The following PGGHG variants were observed in gnomAD, a reference collection of about 807,000 sequenced individuals.
PGGHG encodes the protein protein-glucosylgalactosylhydroxylysine glucosidase, also known as ATH1, acid trehalase-like 1.
In PGGHG, 67 loss-of-function variants were observed where a neutral mutation model predicts 74.5. That is an observed-to-expected ratio of 0.90 (90% confidence interval 0.74 to 1.10). PGGHG has a LOEUF of 1.10. Among genes scored for constraint, PGGHG ranks in the 50% least tolerant of loss-of-function variants. The pLI, the probability that PGGHG is intolerant of heterozygous loss-of-function variation, is 0.00. For synonymous variants in PGGHG, 496 were observed against 419.9 expected (o/e 1.18, Z -2.21); for missense variants, 1,034 against 981.5 (o/e 1.05, Z -0.72).
In PGGHG at chr11:290,541, C is replaced by A; in HGVS notation, c.411C>A (p.Ala137=). 1.3e-6 allele frequency: 2 copies of A among 1,550,840 alleles called. No individual in the cohort carries two copies. The highest frequency in any genetic ancestry group is 1.4e-5 in the African/African-American group (1 of 73,188). ...SGPITLLLRS[A]FSPESPDLDL... is the part of the protein sequence containing the mutation. The stretch of plus-strand genomic sequence containing the variant: ...CCATCACGCTGCTCCTGCGGTCAGC[C>A]TTCTCCCCAGAAAGCCCAGACCTGG... Residue 137 remains alanine, a synonymous_variant, in exon 3 of 14, where the codon GCC becomes GCA. Transcript: ENST00000409548.
Position 290,689 on chromosome 11 carries a change from G to A in PGGHG, c.482G>A (p.Gly161Asp). Residue 161 changes from glycine to aspartate, a missense_variant, in exon 4 of 14, where the codon GGC (glycine) becomes GAC (aspartate). Physicochemically the swap from Gly to Asp is moderately conservative, Grantham distance 94 (BLOSUM62 -1). Transcript: ENST00000409548. ...PDFQGARYLY[G>D]HTLTPEQPGG... ...CCACGCTCTCACAGGTACCTGTATG[G>A]CCACACCCTCACCCCTGAGCAGCCC... 6.2e-7 allele frequency: 1 copy of A among 1,605,834 alleles called. No individual in the cohort carries two copies. The highest frequency in any genetic ancestry group is 2.2e-5 in the East Asian group (1 of 44,716).
At position 293,197 on chromosome 11, in the gene PGGHG, CA is replaced by C; in HGVS notation, c.1307del (p.Asn436ThrfsTer62). The C allele has an allele frequency of 6.2e-7, 1 of 1,613,822 alleles. No individual in the cohort carries two copies. Among genetic ancestry groups the C allele is most frequent in the South Asian group, 1.1e-5 (1 of 91,082 alleles). ...MSPDEYHSGV[N>X]NSVYTNVLVQ... Reference sequence around the variant, plus strand: ...CCCCCGACGAGTACCATTCAGGGGTCAACAACTCTGTGTACACCAACGTCCT... The same window carrying C: ...CCCCCGACGAGTACCATTCAGGGGTCACAACTCTGTGTACACCAACGTCCT... On this transcript the variant is annotated frameshift_variant, in exon 8 of 14. Transcript: ENST00000409548. LOFTEE classifies it high-confidence loss of function.
In PGGHG at chr11:293,366, C is replaced by T. The variant is rs1311223397; in HGVS notation, c.1344C>T (p.Ser448=). 3 of 1,611,686 alleles carry T rather than the reference C, an allele frequency of 1.9e-6. No homozygotes were observed. The highest frequency in any genetic ancestry group is 1.3e-5 in the African/African-American group (1 of 75,020). Residue 448 remains serine (S), a splice_region_variant and synonymous_variant, in exon 9 of 14, where the codon AGC becomes AGT. Transcript: ENST00000409548. ...CTCCCCCACCTACCTCCACCTCCAG[C>T]CTGCGCTTTGCTGCTGCCCTGGCCC... is the stretch of plus-strand genomic sequence containing the variant. ...SVYTNVLVQN[S]LRFAAALAQD...
At position 293,939 on chromosome 11, in the gene PGGHG, CA is replaced by C. The variant is rs1564842467; in HGVS notation, c.1710+15del. The C allele has an allele frequency of 7.5e-6, 12 of 1,607,372 alleles. No individual in the cohort carries two copies. The highest frequency in any genetic ancestry group is 1.3e-5 in the African/African-American group (1 of 74,942). On this transcript the variant is annotated intron_variant, in intron 11 of 13. Coordinates refer to ENST00000409548, the MANE Select transcript of PGGHG (RefSeq NM_025092.5). The stretch of plus-strand genomic sequence containing the variant: ...GAACCCTTCAAGGTCAGCCTGGCCA[CA>C]CCTGCCTCCCACTGGGCCCCTTGTG...
Position 290,883 on chromosome 11 carries a change from GCTCT to G in PGGHG, c.677_680del (p.Ala226GlyfsTer14). ...GGCCCTGCAGCTGCAGGCCAGGGGA[GCTCT>G]GTATACGGCTCACGCACAGGCCTGG... is the stretch of plus-strand genomic sequence containing the variant. On this transcript the variant is annotated frameshift_variant, in exon 4 of 14. Coordinates refer to ENST00000409548, the MANE Select transcript of PGGHG (RefSeq NM_025092.5). LOFTEE classifies it high-confidence loss of function. 2 of 1,611,664 alleles carry G rather than the reference GCTCT, an allele frequency of 1.2e-6. No homozygotes were observed. The highest frequency in any genetic ancestry group is 1.7e-6 in the Non-Finnish European group (2 of 1,179,242).
chr11:293,960 C>T, intron 11 of PGGHG, 35 bp downstream of exon 11: 1 of 1,601,822 alleles, frequency 6.2e-7, no homozygotes. Flanking sequence ...CACTGGGCCC[C>T]TTGTGGTGGG....
chr11:289,247 C>A lies in PGGHG; in HGVS notation c.-14+8C>A, dbSNP rs1845643631. The A allele has an allele frequency of 6.6e-6, 1 of 150,754 alleles. No homozygotes were observed. The highest frequency in any genetic ancestry group is 6.6e-5 in the Admixed American group (1 of 15,222). 9.3% of individuals were successfully genotyped at this position (150,754 alleles called of 1,614,324 possible). A position where few individuals can be genotyped will look rare whatever the true frequency, so the allele number is the denominator to read the frequency against. On this transcript the variant is annotated splice_region_variant and intron_variant, in intron 1 of 13. Coordinates refer to ENST00000409548, the MANE Select transcript of PGGHG (RefSeq NM_025092.5). The surrounding 1 kb of genome is among the most constrained non-coding windows in gnomAD (Gnocchi z 5.6). ...CGACCGGGTGGGGCTGCGGTGAGTC[C>A]CAGAGGCCCCCGCCCCGCAGCTCCC...
In PGGHG at chr11:289,687, C is replaced by G; in HGVS notation, c.-13-117C>G. 3 of 1,322,096 alleles carry G rather than the reference C, an allele frequency of 2.3e-6. No homozygotes were observed. The Admixed American group carries it at 8.4e-5, about 37-fold the overall frequency. The allele number at this position is 1,322,096 out of a possible 1,614,324, so 81.9% of individuals were successfully genotyped here. A position where few individuals can be genotyped will look rare whatever the true frequency, so the allele number is the denominator to read the frequency against. ...AGGGGCCTCAGGAAAATCGGGGCTGCCCAGCTGGTTCCGCAACTCCCCCCA... is the reference window on the plus strand; with the variant it reads ...AGGGGCCTCAGGAAAATCGGGGCTGGCCAGCTGGTTCCGCAACTCCCCCCA... On this transcript the variant is annotated intron_variant, in intron 1 of 13. Coordinates refer to ENST00000409548, the MANE Select transcript of PGGHG (RefSeq NM_025092.5). This position sits in a 1 kb window ranked among gnomAD's most constrained non-coding sequence, Gnocchi z 5.6.
chr11:292,823 G>T, intron 6 of PGGHG, 63 bp from the exon 7 acceptor site: 1 of 1,611,378 alleles, frequency 6.2e-7, no homozygotes, highest in South Asian at 1.1e-5. Context: ...TCTGGGCACA[G>T]ACAGGCCACT....
At chr11:290,646 C>A (rs748054613) in intron 3 of PGGHG, 32 bp from the exon 4 acceptor site, 6 of 1,608,932 alleles carry the variant, frequency 3.7e-6, no homozygotes, top group Non-Finnish European at 5.1e-6. Flanking sequence ...AGGGAGGGAG[C>A]TCATCCCTGA....
chr11:294,623 T>G lies in PGGHG; in HGVS notation c.2088T>G (p.Ser696Arg). Residue 696 changes from serine (S) to arginine (R), a missense_variant, in exon 14 of 14, where the codon AGT (serine) becomes AGG (arginine). Ser to Arg is a moderately radical substitution (Grantham distance 110, BLOSUM62 -1). Transcript: ENST00000409548. ...IQMSPPKLPGSSSSEFPGRTF... is the reference protein window; with the variant it reads ...IQMSPPKLPGRSSSEFPGRTF... ...TGTCACCCCCGAAGCTGCCTGGAAG[T>G]TCCAGCTCCGAGTTCCCTGGGAGGA... 1 of 1,477,714 alleles carries G rather than the reference T, an allele frequency of 6.8e-7. No homozygotes were observed. Among genetic ancestry groups the G allele is most frequent in the Non-Finnish European group, 9.1e-7 (1 of 1,101,884 alleles). The allele number at this position is 1,477,714 out of a possible 1,614,324, so 91.5% of individuals were successfully genotyped here.
At position 289,939 on chromosome 11, in the gene PGGHG, C is replaced by A; in HGVS notation, c.123C>A (p.His41Gln). Reference sequence around the variant, plus strand: ...CACGAGTGTTTCACGACACGCTGCACGTGAGCGGCGTGTACAATGGGGCTG... The same window carrying A: ...CACGAGTGTTTCACGACACGCTGCAAGTGAGCGGCGTGTACAATGGGGCTG... ...LGTRVFHDTL[H>Q]VSGVYNGAGG... Residue 41 changes from histidine (H) to glutamine (Q), a missense_variant, in exon 2 of 14, where the codon CAC becomes CAA. By Grantham distance (24) the His-to-Gln change is conservative (BLOSUM62 0). Transcript: ENST00000409548. This position sits in a 1 kb window ranked among gnomAD's most constrained non-coding sequence, Gnocchi z 5.6. 1.4e-5 allele frequency: 21 copies of A among 1,550,752 alleles called. No individual in the cohort carries two copies. The highest frequency in any genetic ancestry group is 1.8e-5 in the Non-Finnish European group (21 of 1,146,914).
rs977516931 is a variant in PGGHG at position 289,659 on chromosome 11, A to G, written c.-13-145A>G. On this transcript the variant is annotated intron_variant, in intron 1 of 13. Transcript: ENST00000409548. The surrounding 1 kb of genome is among the most constrained non-coding windows in gnomAD (Gnocchi z 5.6). ...GCTCCTTTCCTGCGAGGCCCCGTCT[A>G]GGAGGGGCCTCAGGAAAATCGGGGC... The G allele has an allele frequency of 1.9e-6, 2 of 1,047,926 alleles. No individual in the cohort carries two copies. Among genetic ancestry groups the G allele is most frequent in the Admixed American group, 2.9e-5 (1 of 34,062 alleles). The allele number at this position is 1,047,926 out of a possible 1,614,324, so 64.9% of individuals were successfully genotyped here. A position where few individuals can be genotyped will look rare whatever the true frequency, so the allele number is the denominator to read the frequency against.
intron 6 of PGGHG, 46 bp downstream of exon 6, chr11:292,723 C>T: frequency 1.9e-6 from 3 of 1,612,184 alleles, no homozygotes; most frequent in South Asian, 2.2e-5. Context: ...GGCCAGGCAG[C>T]TGGTGTAGCC....
chr11:291,987 G>T lies in PGGHG; in HGVS notation c.918G>T (p.Met306Ile). The change falls in exon 5 of 14, where the codon ATG becomes ATT. Residue 306 changes from methionine (M) to isoleucine (I), a missense_variant. Met to Ile is a conservative substitution (Grantham distance 10). Transcript: ENST00000409548. ...GACCGTGCTCTCAGGACCTCTGGAT[G>T]TTCCCGAGTATCCTGATGTTCCACC... is the stretch of plus-strand genomic sequence containing the variant. Reference protein sequence around the residue: ...GHVFWDQDLWMFPSILMFHPE... With the variant: ...GHVFWDQDLWIFPSILMFHPE... The T allele has an allele frequency of 6.2e-7, 1 of 1,610,178 alleles. No homozygotes were observed. The highest frequency in any genetic ancestry group is 8.5e-7 in the Non-Finnish European group (1 of 1,178,726).
At chr11:292,170 C>A in intron 5 of PGGHG, 75 bp downstream of exon 5, 1 of 1,452,718 alleles carries the variant, frequency 6.9e-7, no homozygotes, top group Non-Finnish European at 9.1e-7. Context: ...AGGCCTGTAT[C>A]CCTCTCCCCA....
At chr11:293,093 CTGACCACCGGCG>C (rs1410733079) in intron 7 of PGGHG, 58 bp from the exon 8 acceptor site, 5 of 1,613,872 alleles carry the variant, frequency 3.1e-6, no homozygotes, top group Non-Finnish European at 4.2e-6. Context: ...CAGCCCCACG[CTGACCACCGGCG>C]TGGAGGGAAG....
rs374350776 is a variant in PGGHG at position 294,191 on chromosome 11, G to A, written c.1803G>A (p.Gly601=). The part of the protein sequence containing the change: ...FLQAVVFGCT[G]FRVTRAGVTF... ...AGGCGGTGGTCTTCGGGTGCACGGG[G>A]TTCAGGTAAGTGCAGAGGCTGGCAG... Residue 601 remains glycine (G), a synonymous_variant, in exon 12 of 14, where the codon GGG becomes GGA. Transcript: ENST00000409548. 4.5e-5 allele frequency: 73 copies of A among 1,609,374 alleles called. No homozygotes were observed. The highest frequency in any genetic ancestry group is 5.8e-5 in the Non-Finnish European group (68 of 1,177,634).
Position 292,632 on chromosome 11 carries a change from CGG to C in PGGHG, c.1116_1117del (p.Ala373ArgfsTer39). 6.2e-7 allele frequency: 1 copy of C among 1,613,786 alleles called. No homozygotes were observed. Among genetic ancestry groups the C allele is most frequent in the South Asian group, 1.1e-5 (1 of 91,090 alleles). On this transcript the variant is annotated frameshift_variant, in exon 6 of 14. Coordinates refer to ENST00000409548, the MANE Select transcript of PGGHG (RefSeq NM_025092.5). LOFTEE classifies it high-confidence loss of function. ...IYGVQEVHVN[G>X]AVVLAFELYY... The stretch of plus-strand genomic sequence containing the variant: ...ACGGAGTCCAGGAGGTCCACGTCAA[CGG>C]GGCCGTGGTGTTGGCCTTCGAGCTG...
Sources: allele counts gnomAD v4.1 joint callset, GRCh38; gene constraint gnomAD v4.1.1; non-coding constraint Gnocchi (gnomAD v3.1); transcripts MANE v1.5; gene names NCBI Gene and HGNC (gene_info 2026-07-23, HGNC 2026-07-21).